Variants in LARGE1 observed in about 807,000 individuals in gnomAD.
LARGE1 encodes LARGE xylosyl- and glucuronyltransferase 1, also known as xylosyl- and glucuronyltransferase LARGE1.
A neutral mutation model predicts 87.6 loss-of-function variants in LARGE1; 43 were observed. That is an observed-to-expected ratio of 0.49 (90% confidence interval 0.38 to 0.63). The LOEUF (loss-of-function observed/expected upper bound fraction) is 0.63. LARGE1 is among the 30% of genes least tolerant of loss of function. LARGE1 has a pLI of 0.00. For synonymous variants in LARGE1, 434 were observed against 394.6 expected (o/e 1.10, Z -1.18); for missense variants, 802 against 1,000.2 (o/e 0.80, Z 2.67).
At chr22:33,687,325 T>A (rs2081974704) in intron 2 of LARGE1, among the ~76,000 whole-genome samples, 1 of 151,884 alleles carries the variant, frequency 6.6e-6, no homozygotes, top group South Asian at 2.1e-4. Context: ...AAGTCCTCTC[T>A]GACCTTCTAA....
intron 2 of LARGE1, among the ~76,000 whole-genome samples, chr22:33,749,334 G>A (rs1339788098): frequency 1.3e-5 from 2 of 152,118 alleles, no homozygotes; most frequent in African/African-American, 2.4e-5. Flanking sequence ...GGCTGGTCTC[G>A]AACTCCCGAC....
chr22:33,830,804 G>C (rs1265312043), intron 1 of LARGE1, among the ~76,000 whole-genome samples: 1 of 152,182 alleles, frequency 6.6e-6, no homozygotes, highest in African/African-American at 2.4e-5. Context: ...TTCAGTGTCT[G>C]GTGAGGGCAC....
chr22:33,519,254 G>GTGTC (rs2071457296), intron 6 of LARGE1, among the ~76,000 whole-genome samples: 1 of 152,000 alleles, frequency 6.6e-6, no homozygotes, highest in Admixed American at 6.6e-5. Flanking sequence ...GTGTGTGTGT[G>GTGTC]TGTGGTCACA....
intron 1 of LARGE1, among the ~76,000 whole-genome samples, chr22:33,811,846 C>CA (rs2086505894): frequency 1.3e-5 from 2 of 152,312 alleles, no homozygotes; most frequent in Non-Finnish European, 1.5e-5. Context: ...GCCGGAGCAT[C>CA]AGCTAGTGAA....
chr22:33,174,975 C>T (rs983551710), intron 11 of LARGE1, among the ~76,000 whole-genome samples: 16 of 152,178 alleles, frequency 1.1e-4, no homozygotes, highest in African/African-American at 3.6e-4. Flanking sequence ...CTCCCTAACT[C>T]ATTTTATGAG....
chr22:33,420,191 T>C (rs1057264237), intron 7 of LARGE1, among the ~76,000 whole-genome samples: 4 of 152,178 alleles, frequency 2.6e-5, no homozygotes, highest in South Asian at 2.1e-4. Flanking sequence ...GAAACACTTA[T>C]CTTCCAAAAT....
At chr22:33,533,179 G>A (rs1362751552) in intron 6 of LARGE1, among the ~76,000 whole-genome samples, 1 of 152,182 alleles carries the variant, frequency 6.6e-6, no homozygotes, top group Admixed American at 6.5e-5. Context: ...TCTTCCGGGA[G>A]CTAACAGATG....
chr22:33,306,788 C>T (rs754860593), intron 11 of LARGE1, among the ~76,000 whole-genome samples: 3 of 150,910 alleles, frequency 2.0e-5, no homozygotes, highest in Non-Finnish European at 2.9e-5. Flanking sequence ...ACAGAAGAAT[C>T]GCTTGAACCC....
chr22:33,761,220 C>T, intron 2 of LARGE1, 151 bp downstream of exon 2: 1 of 777,698 alleles, frequency 1.3e-6, no homozygotes, highest in South Asian at 1.4e-5. Context: ...TTGACTGCTG[C>T]CAACTACCTG....
intron 2 of LARGE1, among the ~76,000 whole-genome samples, chr22:33,658,055 G>A (rs537638351): frequency 8.0e-5 from 12 of 150,282 alleles, no homozygotes; most frequent in African/African-American, 1.2e-4. Context: ...GGCTCTTTCC[G>A]CACCGAACCG....
chr22:33,496,373 C>T (rs371213070), intron 6 of LARGE1, among the ~76,000 whole-genome samples: 23 of 152,126 alleles, frequency 1.5e-4, no homozygotes, highest in Admixed American at 1.2e-3. Flanking sequence ...TTAACCATCA[C>T]GGTGAGTGAT....
At chr22:33,229,752 A>C (rs1229273639) in intron 11 of LARGE1, among the ~76,000 whole-genome samples, 1 of 152,142 alleles carries the variant, frequency 6.6e-6, no homozygotes, top group African/African-American at 2.4e-5. Flanking sequence ...ACAATGGCCA[A>C]TAATTTTTCT....
chr22:33,127,838 C>T, the LARGE1 span, among the ~76,000 whole-genome samples: 2 of 152,184 alleles, frequency 1.3e-5, no homozygotes, highest in East Asian at 1.9e-4. Flanking sequence ...TTCCTAGAGT[C>T]ATAGAGTGAG....
intron 6 of LARGE1, among the ~76,000 whole-genome samples, chr22:33,453,354 G>A (rs2147938857): frequency 6.6e-6 from 1 of 152,078 alleles, no homozygotes; most frequent in Admixed American, 6.5e-5. Context: ...GGCACAGGTT[G>A]CAGTGAGCCA....
rs78619944 is a variant in LARGE1, at chr22:33,484,608, C to G, written c.788-52343G>C. Among the ~76,000 whole-genome samples, 739 of 152,290 alleles carry G rather than the reference C, an allele frequency of 4.9e-3. 4 individuals are homozygous for G. The highest frequency in any genetic ancestry group is 0.017 in the African/African-American group (702 of 41,544). ...GGCCTCCATGACAGAGGTGCTTCCACGACAGGAGAGCGCTGGGTTCTACTG... is the reference window on the plus strand; with the variant it reads ...GGCCTCCATGACAGAGGTGCTTCCAGGACAGGAGAGCGCTGGGTTCTACTG... On this transcript the variant is annotated intron_variant, in intron 6 of 14. Coordinates refer to ENST00000397394, the MANE Select transcript of LARGE1 (RefSeq NM_133642.5).
At chr22:33,129,942 G>A in the LARGE1 span, among the ~76,000 whole-genome samples, 21 of 152,174 alleles carry the variant, frequency 1.4e-4, no homozygotes, top group African/African-American at 4.8e-4. Context: ...ACACACAGCC[G>A]AACCGTATCA....
chr22:33,409,699 A>G (rs1347625719), intron 7 of LARGE1, among the ~76,000 whole-genome samples: 1 of 152,010 alleles, frequency 6.6e-6, no homozygotes, highest in Non-Finnish European at 1.5e-5. Flanking sequence ...ATCTCTACTA[A>G]AAATACAAAA....
At chr22:33,131,792 C>T in the LARGE1 span, among the ~76,000 whole-genome samples, 3 of 151,416 alleles carry the variant, frequency 2.0e-5, no homozygotes, top group East Asian at 1.9e-4. Context: ...ACAGCCAAAC[C>T]GTATCACCTC....
At chr22:33,364,420 C>T (rs921815643) in intron 9 of LARGE1, among the ~76,000 whole-genome samples, 6 of 152,254 alleles carry the variant, frequency 3.9e-5, no homozygotes, top group Admixed American at 6.5e-5. Context: ...TCCGCGTTTA[C>T]GAAGGACCTC....
Sources: gnomAD v4.1 joint callset for allele counts (sites outside exome capture counted in the v4.1 genomes callset) on GRCh38, gnomAD v4.1.1 for gene constraint, MANE v1.5 for transcripts, NCBI Gene and HGNC (gene_info 2026-07-23, HGNC 2026-07-21) for gene names.